The following CHRM3 variants were observed in gnomAD, a reference collection of about 807,000 sequenced individuals.
CHRM3 encodes muscarinic acetylcholine receptor M3.
A neutral mutation model predicts 41.8 loss-of-function variants in CHRM3; 11 were observed. The ratio of observed to expected loss-of-function variants is 0.26; its 90% CI spans 0.17 to 0.44. The LOEUF (loss-of-function observed/expected upper bound fraction) is 0.44, where lower values mean the gene tolerates loss of function less well. Ranked by LOEUF, CHRM3 falls within the 20% of genes least tolerant of loss-of-function variation. The pLI, the probability that CHRM3 is intolerant of heterozygous loss-of-function variation, is 1.00. For synonymous variants in CHRM3, 297 were observed against 301.4 expected, an observed-to-expected ratio of 0.99 and a Z score of 0.15; for missense variants, 571 against 745.4, an observed-to-expected ratio of 0.77 and a Z score of 2.72.
chr1:239,743,670 T>C (rs1329366597), intron 5 of CHRM3, among the ~76,000 whole-genome samples: 2 of 151,852 alleles, frequency 1.3e-5, no homozygotes, highest in Non-Finnish European at 2.9e-5. Flanking sequence ...ACAGCCCAGA[T>C]CCAAACCAAA....
rs572871422 is a variant in CHRM3 at position 239,686,415 on chromosome 1, C to T, written c.-147+8127C>T. ...TCCTGCCTGGACTACACAGAGCCCT[C>T]TTTCCTGGGAAATTGGTGTTCACCT... On this transcript the variant is annotated intron_variant, in intron 5 of 6. Transcript: ENST00000676153. 3.3e-5 allele frequency among the ~76,000 whole-genome samples: 5 copies of T among 152,276 alleles called. No homozygotes were observed. In the East Asian group the frequency reaches 9.7e-4, roughly 29 times the overall value.
chr1:239,439,235 C>A (rs2103237511), intron 1 of CHRM3, among the ~76,000 whole-genome samples: 1 of 152,302 alleles, frequency 6.6e-6, no homozygotes, highest in East Asian at 1.9e-4. Flanking sequence ...CCGATTAGAA[C>A]CCCTGGAATA....
chr1:239,440,083 A>T (rs1333248892), intron 1 of CHRM3, among the ~76,000 whole-genome samples: 2 of 151,800 alleles, frequency 1.3e-5, no homozygotes, highest in Non-Finnish European at 2.9e-5. Flanking sequence ...CTATAATCCC[A>T]GCTACTCAGG....
At chr1:239,837,283 G>T (rs1461630196) in intron 6 of CHRM3, among the ~76,000 whole-genome samples, 1 of 152,140 alleles carries the variant, frequency 6.6e-6, no homozygotes, top group Non-Finnish European at 1.5e-5. Context: ...CATCCTTAAT[G>T]ATAGATCAAG....
At chr1:239,634,772 C>A (rs893960824) in intron 4 of CHRM3, among the ~76,000 whole-genome samples, 1 of 152,102 alleles carries the variant, frequency 6.6e-6, no homozygotes, top group Non-Finnish European at 1.5e-5. Flanking sequence ...AGGCACGGAG[C>A]TGACTTGGGG....
chr1:239,880,453 A>C (rs763199663), intron 6 of CHRM3, among the ~76,000 whole-genome samples: 2 of 152,204 alleles, frequency 1.3e-5, no homozygotes, highest in Non-Finnish European at 2.9e-5. Context: ...TGTGAAGTTT[A>C]GTTATATATT....
intron 2 of CHRM3, among the ~76,000 whole-genome samples, chr1:239,493,727 T>C (rs541196105): frequency 6.6e-6 from 1 of 152,182 alleles, no homozygotes; most frequent in Non-Finnish European, 1.5e-5. Flanking sequence ...GCATTACTGA[T>C]GCTCAGTTGA....
chr1:239,472,547 A>G (rs1463570068), intron 1 of CHRM3, among the ~76,000 whole-genome samples: 1 of 152,224 alleles, frequency 6.6e-6, no homozygotes, highest in Non-Finnish European at 1.5e-5. Context: ...GCAGGTAACA[A>G]CTTGCTTTTA....
In CHRM3 at chr1:239,644,849, G is replaced by C. The variant is rs960969145; in HGVS notation, c.-250+12563G>C. Among the ~76,000 whole-genome samples, 3 of 152,224 alleles carry C rather than the reference G, an allele frequency of 2.0e-5. No individual in the cohort carries two copies. The South Asian group carries it at 6.2e-4, about 32-fold the overall frequency. On this transcript the variant is annotated intron_variant, in intron 4 of 6. Coordinates refer to ENST00000676153, the MANE Select transcript of CHRM3 (RefSeq NM_001375978.1). ...AGACTGTGATACACAGGGCCCAGCA[G>C]GGTCCCATGGCCTGGGGACTGGACA...
intron 5 of CHRM3, among the ~76,000 whole-genome samples, chr1:239,735,460 T>C (rs1664318405): frequency 6.6e-6 from 1 of 152,160 alleles, no homozygotes; most frequent in Non-Finnish European, 1.5e-5. Flanking sequence ...TCTTTTAAAA[T>C]GGTAAGCCAA....
At chr1:239,535,587 A>G (rs755721083) in intron 2 of CHRM3, among the ~76,000 whole-genome samples, 2 of 151,596 alleles carry the variant, frequency 1.3e-5, no homozygotes, top group Non-Finnish European at 2.9e-5. Context: ...CAGTCTTGTT[A>G]GTAAATTATT....
At chr1:239,392,164 C>G (rs1390795977) in intron 1 of CHRM3, among the ~76,000 whole-genome samples, 1 of 152,196 alleles carries the variant, frequency 6.6e-6, no homozygotes, top group East Asian at 1.9e-4. Context: ...TCTATTCTGT[C>G]TCTGATTCAA....
At chr1:239,897,845 C>T (rs1344815058) in intron 6 of CHRM3, among the ~76,000 whole-genome samples, 1 of 152,122 alleles carries the variant, frequency 6.6e-6, no homozygotes, top group East Asian at 1.9e-4. Context: ...TGAGGAAAAA[C>T]TGTTATTTCA....
At chr1:239,454,788 A>C (rs2103346192) in intron 1 of CHRM3, among the ~76,000 whole-genome samples, 1 of 152,276 alleles carries the variant, frequency 6.6e-6, no homozygotes, top group African/African-American at 2.4e-5. Flanking sequence ...TGTTTTCCTT[A>C]ACTGCAGACT....
At chr1:239,685,975 A>G (rs1291777348) in intron 5 of CHRM3, among the ~76,000 whole-genome samples, 1 of 124,770 alleles carries the variant, frequency 8.0e-6, no homozygotes. Flanking sequence ...AAAACAAACA[A>G]AGACAAAAAC....
chr1:239,561,991 G>A (rs1486219443), intron 3 of CHRM3, among the ~76,000 whole-genome samples: 2 of 152,034 alleles, frequency 1.3e-5, no homozygotes, highest in Admixed American at 1.3e-4. Flanking sequence ...TCCATTGTAC[G>A]GGAGGGCCAA....
chr1:239,720,662 C>T (rs961877298), intron 5 of CHRM3, among the ~76,000 whole-genome samples: 1 of 151,768 alleles, frequency 6.6e-6, no homozygotes, highest in African/African-American at 2.4e-5. Context: ...TTTTAGATTT[C>T]CTGTTAAGTT....
intron 5 of CHRM3, among the ~76,000 whole-genome samples, chr1:239,796,793 C>A (rs1669812316): frequency 6.6e-6 from 1 of 152,068 alleles, no homozygotes; most frequent in African/African-American, 2.4e-5. Context: ...GTGTCCCTCA[C>A]CCAAATAGTG....
chr1:239,770,099 C>T (rs1007033491), intron 5 of CHRM3, among the ~76,000 whole-genome samples: 6 of 152,156 alleles, frequency 3.9e-5, no homozygotes, highest in Non-Finnish European at 7.3e-5. Flanking sequence ...TATCAAAATA[C>T]GTTGAACACT....
Sources: allele counts gnomAD v4.1 joint callset (sites outside exome capture counted in the v4.1 genomes callset), GRCh38; gene constraint gnomAD v4.1.1; transcripts MANE v1.5; gene names NCBI Gene and HGNC (gene_info 2026-07-23, HGNC 2026-07-21).